The following CADM2 variants were observed in gnomAD, a reference collection of about 807,000 sequenced individuals.
The protein encoded by CADM2 is cell adhesion molecule 2.
In CADM2, 12 loss-of-function variants were observed where a neutral mutation model predicts 49.8. That is an observed-to-expected ratio of 0.24 (90% CI 0.15 to 0.39). The LOEUF is 0.39. Among genes scored for constraint, CADM2 ranks in the 10% least tolerant of loss-of-function variants. The pLI is 1.00. For missense variants in CADM2, 378 were observed against 492.3 expected, an observed-to-expected ratio of 0.77 and a Z score of 2.20; for synonymous variants, 214 against 175.4, an observed-to-expected ratio of 1.22 and a Z score of -1.74.
At chr3:85,205,366 A>G (rs2041607580) in intron 1 of CADM2, among the ~76,000 whole-genome samples, 1 of 152,154 alleles carries the variant, frequency 6.6e-6, no homozygotes. Context: ...TGTTTAAATT[A>G]CAGATATCTT....
At chr3:85,255,895 T>A (rs2042874631) in intron 1 of CADM2, among the ~76,000 whole-genome samples, 1 of 152,130 alleles carries the variant, frequency 6.6e-6, no homozygotes, top group Non-Finnish European at 1.5e-5. Flanking sequence ...TATATCTACA[T>A]TTCCAGAAAA....
At chr3:85,964,570 C>G (rs1193729672) in intron 8 of CADM2, among the ~76,000 whole-genome samples, 1 of 151,708 alleles carries the variant, frequency 6.6e-6, no homozygotes, top group Non-Finnish European at 1.5e-5. Context: ...GTGATTCCCC[C>G]ACTCCCTCCT....
chr3:85,024,935 G>A (rs1189323894), intron 1 of CADM2, among the ~76,000 whole-genome samples: 1 of 151,526 alleles, frequency 6.6e-6, no homozygotes, highest in African/African-American at 2.4e-5. Flanking sequence ...TTGTGTTAAG[G>A]CGTCAATATG....
chr3:85,890,988 G>C lies in CADM2; in HGVS notation c.529+4661G>C, dbSNP rs1220343486. 3.9e-5 allele frequency among the ~76,000 whole-genome samples: 6 copies of C among 152,200 alleles called. No individual in the cohort carries two copies. In the South Asian group the frequency reaches 1.2e-3, roughly 32 times the overall value. On this transcript the variant is annotated intron_variant, in intron 5 of 9. Transcript: ENST00000383699. The stretch of plus-strand genomic sequence containing the variant: ...AAAGAGCTTTTATTCCAGATTAAGG[G>C]TTTGAAATTTATTCTATAGGCAATA...
At chr3:85,577,085 A>G (rs999522904) in intron 1 of CADM2, among the ~76,000 whole-genome samples, 5 of 152,170 alleles carry the variant, frequency 3.3e-5, no homozygotes, top group Non-Finnish European at 7.3e-5. Flanking sequence ...AATGAAATCT[A>G]TGTACCCCAT....
At chr3:84,970,783 T>A (rs2031377003) in intron 1 of CADM2, among the ~76,000 whole-genome samples, 1 of 152,070 alleles carries the variant, frequency 6.6e-6, no homozygotes, top group African/African-American at 2.4e-5. Flanking sequence ...ACCATGTCTG[T>A]ATGATGCTAC....
chr3:85,434,923 A>G (rs541767179), intron 1 of CADM2, among the ~76,000 whole-genome samples: 2 of 152,240 alleles, frequency 1.3e-5, no homozygotes, highest in African/African-American at 4.8e-5. Context: ...TGTATAGTGG[A>G]TATAAGAGTT....
chr3:85,272,402 A>G (rs925022582), intron 1 of CADM2, among the ~76,000 whole-genome samples: 1 of 151,336 alleles, frequency 6.6e-6, no homozygotes, highest in Non-Finnish European at 1.5e-5. Flanking sequence ...AATCAAATTT[A>G]CTTCTTTTAT....
chr3:85,074,655 G>A (rs2036874770), intron 1 of CADM2, among the ~76,000 whole-genome samples: 1 of 152,014 alleles, frequency 6.6e-6, no homozygotes, highest in Admixed American at 6.6e-5. Context: ...AACCTGGGGG[G>A]CAGAAAATGG....
chr3:85,983,150 A>G (rs1265978935), intron 8 of CADM2, among the ~76,000 whole-genome samples: 1 of 151,768 alleles, frequency 6.6e-6, no homozygotes, highest in East Asian at 1.9e-4. Context: ...TATATTAAAA[A>G]TCAAGATGAA....
chr3:85,288,088 A>G (rs2043680882), intron 1 of CADM2, among the ~76,000 whole-genome samples: 1 of 151,162 alleles, frequency 6.6e-6, no homozygotes. Flanking sequence ...CTAAAACTTA[A>G]AAGTATAATA....
intron 2 of CADM2, among the ~76,000 whole-genome samples, chr3:85,731,420 G>T (rs982303189): frequency 8.5e-5 from 13 of 152,136 alleles, no homozygotes; most frequent in African/African-American, 2.9e-4. Flanking sequence ...ACATTCAGTT[G>T]TGACAATTTT....
chr3:85,170,845 G>C (rs1318179628), intron 1 of CADM2, among the ~76,000 whole-genome samples: 1 of 152,096 alleles, frequency 6.6e-6, no homozygotes, highest in Non-Finnish European at 1.5e-5. Context: ...ATATAGAACA[G>C]AGTTGAACTT....
chr3:85,910,190 G>A (rs1235518779), intron 5 of CADM2, among the ~76,000 whole-genome samples: 1 of 152,084 alleles, frequency 6.6e-6, no homozygotes, highest in African/African-American at 2.4e-5. Flanking sequence ...GTTATAAAAA[G>A]TAAACAACCA....
chr3:85,579,784 T>C (rs1001709710), intron 1 of CADM2, among the ~76,000 whole-genome samples: 1 of 152,164 alleles, frequency 6.6e-6, no homozygotes, highest in African/African-American at 2.4e-5. Context: ...TTTATATAGA[T>C]ATCTAATTTA....
Position 84,959,150 on chromosome 3 carries a change from C to G in CADM2, c.-458C>G, listed in dbSNP as rs1001350738. 5.2e-6 allele frequency: 1 copy of G among 192,388 alleles called. No individual in the cohort carries two copies. Among genetic ancestry groups the G allele is most frequent in the Admixed American group, 6.3e-5 (1 of 15,790 alleles). 11.9% of individuals were successfully genotyped at this position (192,388 alleles called of 1,614,324 possible). On this transcript the variant is annotated 5_prime_UTR_variant, in exon 1 of 10. Coordinates refer to ENST00000383699, the MANE Select transcript of CADM2 (RefSeq NM_001167675.2). ...CCAGGACCCCGAGACACCCCGGGCG[C>G]GAGCGGCAGTGCTGCTTGCTTGCTC...
At chr3:85,533,777 A>T (rs2061370196) in intron 1 of CADM2, among the ~76,000 whole-genome samples, 1 of 152,194 alleles carries the variant, frequency 6.6e-6, no homozygotes, top group Non-Finnish European at 1.5e-5. Flanking sequence ...GGTGAGTTTG[A>T]TCTTTAGCCA....
intron 1 of CADM2, among the ~76,000 whole-genome samples, chr3:85,524,600 TCTA>T (rs1162629345): frequency 6.6e-6 from 1 of 152,192 alleles, no homozygotes; most frequent in Non-Finnish European, 1.5e-5. Context: ...GAATGTATAA[TCTA>T]CTGCTGTTGG....
chr3:85,590,367 T>C (rs1269220607), intron 1 of CADM2, among the ~76,000 whole-genome samples: 1 of 151,956 alleles, frequency 6.6e-6, no homozygotes, highest in East Asian at 1.9e-4. Flanking sequence ...GTAAGCGCTT[T>C]ATAGTACTTG....
Sources: gnomAD v4.1 joint callset for allele counts (sites outside exome capture counted in the v4.1 genomes callset) on GRCh38, gnomAD v4.1.1 for gene constraint, MANE v1.5 for transcripts, NCBI Gene and HGNC (gene_info 2026-07-23, HGNC 2026-07-21) for gene names.